MBD5: variants seen among roughly 807,000 people sequenced by gnomAD.
MBD5 encodes the protein methyl-CpG-binding domain protein 5.
In MBD5, 13 loss-of-function variants were observed where a neutral mutation model predicts 117.3. The ratio of observed to expected loss-of-function variants is 0.11; its 90% CI spans 0.07 to 0.18. The LOEUF is 0.18. MBD5 is among the 10% of genes least tolerant of loss of function. The probability of loss-of-function intolerance (pLI) is 1.00; values close to 1 mark genes in which losing one functional copy is unlikely to be tolerated. For missense variants in MBD5, 1,879 were observed against 2,093.8 expected (o/e 0.90, Z 2.00); for synonymous variants, 727 against 766.4 (o/e 0.95, Z 0.85).
At chr2:148,095,381 C>T (rs1016405287) in intron 1 of MBD5, among the ~76,000 whole-genome samples, 1 of 152,024 alleles carries the variant, frequency 6.6e-6, no homozygotes, top group African/African-American at 2.4e-5. Flanking sequence ...TATAAATCTG[C>T]TCAAGAAATG....
chr2:148,413,843 A>T (rs1574398913), intron 4 of MBD5, among the ~76,000 whole-genome samples: 2 of 144,440 alleles, frequency 1.4e-5, no homozygotes, highest in Non-Finnish European at 1.5e-5. Flanking sequence ...GATTGTGTTT[A>T]TTTGAATCTT....
chr2:148,292,705 T>C (rs1701526788), intron 3 of MBD5, among the ~76,000 whole-genome samples: 2 of 152,108 alleles, frequency 1.3e-5, no homozygotes, highest in Admixed American at 1.3e-4. Context: ...GATCCAGCAG[T>C]CTCACTGCTG....
At chr2:148,398,466 G>C (rs533163567) in intron 4 of MBD5, among the ~76,000 whole-genome samples, 1 of 152,110 alleles carries the variant, frequency 6.6e-6, no homozygotes, top group Non-Finnish European at 1.5e-5. Flanking sequence ...AGAAGTGTCT[G>C]TTCATATCCT....
chr2:148,492,186 AC>A (rs1574487814), intron 11 of MBD5, among the ~76,000 whole-genome samples: 1 of 151,834 alleles, frequency 6.6e-6, no homozygotes, highest in East Asian at 1.9e-4. Flanking sequence ...AAAAAAAAAA[AC>A]GAAGAGAAAA....
At chr2:148,041,674 CACAA>C (rs772185259) in intron 1 of MBD5, among the ~76,000 whole-genome samples, 1 of 152,168 alleles carries the variant, frequency 6.6e-6, no homozygotes, top group Non-Finnish European at 1.5e-5. Context: ...ACATCATACA[CACAA>C]ACACTCGTTA....
chr2:148,280,131 C>CAAAAAAAA (rs3076398), intron 3 of MBD5, among the ~76,000 whole-genome samples: 20 of 91,828 alleles, frequency 2.2e-4, no homozygotes, highest in East Asian at 3.4e-4. Context: ...AAACTAACTG[C>CAAAAAAAA]AAAAAAAAAA....
At chr2:148,505,979 G>C (rs957750421) in intron 12 of MBD5, among the ~76,000 whole-genome samples, 6 of 152,142 alleles carry the variant, frequency 3.9e-5, no homozygotes, top group Admixed American at 3.9e-4. Context: ...GAGAGCCTCA[G>C]CACAGTACTT....
At chr2:148,371,486 G>A (rs758593915) in intron 4 of MBD5, among the ~76,000 whole-genome samples, 1 of 152,128 alleles carries the variant, frequency 6.6e-6, no homozygotes, top group Admixed American at 6.6e-5. Context: ...AAGTTACACT[G>A]TATCAACAAC....
chr2:148,345,432 TACATATGTATATACAC>T, intron 4 of MBD5, among the ~76,000 whole-genome samples: 1 of 97,472 alleles, frequency 1.0e-5, no homozygotes, highest in African/African-American at 3.5e-5. Context: ...TATACACATA[TACATATGTATATACAC>T]ATACACATAT....
chr2:148,151,754 G>A (rs187891793), intron 1 of MBD5, among the ~76,000 whole-genome samples: 3,956 of 152,044 alleles, frequency 0.026, 100 homozygotes, highest in African/African-American at 0.067. Context: ...ATTCTCTGAT[G>A]GTAGTTTGTA....
intron 1 of MBD5, among the ~76,000 whole-genome samples, chr2:148,135,611 G>A (rs1348849523): frequency 1.3e-5 from 2 of 152,052 alleles, no homozygotes; most frequent in African/African-American, 2.4e-5. Context: ...TTTGATTTGT[G>A]TACCCTTGAA....
intron 2 of MBD5, among the ~76,000 whole-genome samples, chr2:148,179,181 G>C (rs548692298): frequency 6.6e-6 from 1 of 151,916 alleles, no homozygotes; most frequent in East Asian, 1.9e-4. Context: ...GGTGAAACCC[G>C]GTCTCTACTG....
intron 5 of MBD5, among the ~76,000 whole-genome samples, chr2:148,460,441 T>G (rs187826906): frequency 1.3e-3 from 191 of 152,334 alleles, no homozygotes; most frequent in African/African-American, 4.5e-3. Context: ...GGTAAAACAC[T>G]CTCAAATTAA....
chr2:148,326,026 G>T (rs1239875563), intron 3 of MBD5, among the ~76,000 whole-genome samples: 1 of 152,016 alleles, frequency 6.6e-6, no homozygotes. Flanking sequence ...AGAGATTCTG[G>T]TATGTTGTGT....
At chr2:148,294,509 T>TTTTTTGTTTTTTTTTTTTTTTTTTTTTTG (rs750245317) in intron 3 of MBD5, among the ~76,000 whole-genome samples, 1 of 129,984 alleles carries the variant, frequency 7.7e-6, no homozygotes. Context: ...CAGTTTTTTT[T>TTTTTTGTTTTTTTTTTTTTTTTTTTTTTG]TTTTTTTTTT....
chr2:148,364,308 AC>A (rs1309934494), intron 4 of MBD5, among the ~76,000 whole-genome samples: 1 of 152,224 alleles, frequency 6.6e-6, no homozygotes. Context: ...AGATTTTGTC[AC>A]CACCAGGCCT....
At chr2:148,103,525 TGATGTTGC>T (rs1696286057) in intron 1 of MBD5, among the ~76,000 whole-genome samples, 1 of 152,110 alleles carries the variant, frequency 6.6e-6, no homozygotes, top group Non-Finnish European at 1.5e-5. Flanking sequence ...CGCAACCTGT[TGATGTTGC>T]GATACATGCT....
At chr2:148,208,477 G>A (rs1242381184) in intron 2 of MBD5, among the ~76,000 whole-genome samples, 1 of 151,904 alleles carries the variant, frequency 6.6e-6, no homozygotes, top group Non-Finnish European at 1.5e-5. Flanking sequence ...GGCTGGTCTC[G>A]AACTCCTGAC....
chr2:148,385,108 C>A (rs934726510), intron 4 of MBD5, among the ~76,000 whole-genome samples: 3 of 152,100 alleles, frequency 2.0e-5, no homozygotes, highest in African/African-American at 7.2e-5. Context: ...CCAAAATTGA[C>A]AAATGGGATC....
Sources: allele counts gnomAD v4.1 joint callset (sites outside exome capture counted in the v4.1 genomes callset), GRCh38; gene constraint gnomAD v4.1.1; transcripts MANE v1.5; gene names NCBI Gene and HGNC (gene_info 2026-07-23, HGNC 2026-07-21).